Variants in ERBB4 observed in about 807,000 individuals in gnomAD.
ERBB4 encodes the protein receptor tyrosine-protein kinase erbB-4.
Under a neutral mutation model 158.0 loss-of-function variants are expected in ERBB4, and 42 were observed. The ratio of observed to expected loss-of-function variants is 0.27; its 90% CI spans 0.21 to 0.34. The LOEUF (loss-of-function observed/expected upper bound fraction) is 0.34. Among genes scored for constraint, ERBB4 ranks in the 10% least tolerant of loss-of-function variants. The probability of loss-of-function intolerance (pLI) is 1.00; values close to 1 mark genes in which losing one functional copy is unlikely to be tolerated. For missense variants in ERBB4, 1,333 were observed against 1,624.1 expected (o/e 0.82, Z 3.08); for synonymous variants, 583 against 558.7 (o/e 1.04, Z -0.61).
At chr2:211,745,539 G>A (rs986951344) in intron 5 of ERBB4, among the ~76,000 whole-genome samples, 4 of 152,058 alleles carry the variant, frequency 2.6e-5, no homozygotes, top group Admixed American at 2.6e-4. Context: ...GCCTACAGGA[G>A]TTTGCCTTCC....
intron 3 of ERBB4, among the ~76,000 whole-genome samples, chr2:211,876,370 C>A (rs2078500804): frequency 6.6e-6 from 1 of 152,126 alleles, no homozygotes; most frequent in African/African-American, 2.4e-5. Context: ...AATGGCAAGA[C>A]AGAGGAAGGA....
chr2:211,572,232 CAT>C (rs2067749958), intron 19 of ERBB4, among the ~76,000 whole-genome samples: 1 of 152,116 alleles, frequency 6.6e-6, no homozygotes, highest in Non-Finnish European at 1.5e-5. Flanking sequence ...TGATTGACAA[CAT>C]AGAGTCGTAA....
intron 1 of ERBB4, among the ~76,000 whole-genome samples, chr2:212,292,239 T>C (rs1376615304): frequency 2.0e-5 from 3 of 152,012 alleles, no homozygotes; most frequent in African/African-American, 7.2e-5. Context: ...AGTATAATTT[T>C]AAATCACACT....
At chr2:211,754,018 C>T (rs71422756) in intron 4 of ERBB4, among the ~76,000 whole-genome samples, 42,526 of 151,488 alleles carry the variant, frequency 0.28, 7,040 homozygotes, top group Middle Eastern at 0.37. Context: ...CCACCACGCC[C>T]GGCTAATTTT....
rs931428542 is a variant in ERBB4, at chr2:211,381,188, C to T, written c.*2427G>A. ...CTTCACTAGAAGGAATCTCACAAAC[C>T]CTTCTCCTGCTCTACCATACTTTTT... On this transcript the variant is annotated 3_prime_UTR_variant, in exon 28 of 28. Coordinates refer to ENST00000342788, the MANE Select transcript of ERBB4 (RefSeq NM_005235.3). The T allele has an allele frequency of 4.3e-6, 1 of 232,344 alleles. No individual in the cohort carries two copies. Among genetic ancestry groups the T allele is most frequent in the Non-Finnish European group, 8.5e-6 (1 of 117,550 alleles). 14.4% of individuals were successfully genotyped at this position (232,344 alleles called of 1,614,324 possible).
intron 2 of ERBB4, among the ~76,000 whole-genome samples, chr2:212,059,555 A>G (rs2077693993): frequency 6.6e-6 from 1 of 152,228 alleles, no homozygotes; most frequent in South Asian, 2.1e-4. Context: ...CTACAAGGCT[A>G]TAGTAACCAA....
intron 1 of ERBB4, among the ~76,000 whole-genome samples, chr2:212,453,981 C>A (rs1469928469): frequency 3.3e-5 from 5 of 151,812 alleles, no homozygotes; most frequent in African/African-American, 1.2e-4. Context: ...CACTCTATTG[C>A]CCAAGCTGGA....
rs549068985 is a variant in ERBB4 at position 211,686,478 on chromosome 2, A to G, written c.1490-7294T>C. On this transcript the variant is annotated intron_variant, in intron 12 of 27. Coordinates refer to ENST00000342788, the MANE Select transcript of ERBB4 (RefSeq NM_005235.3). ...GGTTATGTTGTATAATTCTTTGTAT[A>G]TATTGCTGACTGCTATTTGCTACTA... 5.9e-5 allele frequency among the ~76,000 whole-genome samples: 9 copies of G among 152,058 alleles called. 1 individual carries two copies. The South Asian group carries it at 1.9e-3, about 31-fold the overall frequency.
intron 19 of ERBB4, among the ~76,000 whole-genome samples, chr2:211,594,832 T>C (rs2068583892): frequency 6.6e-6 from 1 of 152,210 alleles, no homozygotes; most frequent in Non-Finnish European, 1.5e-5. Context: ...AAAGAAGGGC[T>C]TTTTAAGTTC....
chr2:211,788,849 C>T (rs976373218), intron 3 of ERBB4, among the ~76,000 whole-genome samples: 8 of 152,084 alleles, frequency 5.3e-5, no homozygotes, highest in South Asian at 4.1e-4. Context: ...CAAATGAAAT[C>T]GATAAGATTG....
chr2:212,533,890 T>C (rs116701266), intron 1 of ERBB4, among the ~76,000 whole-genome samples: 1,592 of 152,304 alleles, frequency 0.01, 34 homozygotes, highest in African/African-American at 0.036. Context: ...TTAATTTCTG[T>C]AGAACAGATG....
At chr2:211,814,807 C>G (rs146572551) in intron 3 of ERBB4, among the ~76,000 whole-genome samples, 1 of 152,240 alleles carries the variant, frequency 6.6e-6, no homozygotes, top group African/African-American at 2.4e-5. Context: ...GATAATGTTT[C>G]CCAGCATTAT....
intron 1 of ERBB4, among the ~76,000 whole-genome samples, chr2:212,470,782 A>G (rs1689079000): frequency 6.6e-6 from 1 of 151,552 alleles, no homozygotes; most frequent in South Asian, 2.1e-4. Flanking sequence ...AATCTAAAAG[A>G]AGAGATTATG....
rs1559419685 is a variant in ERBB4 at position 212,062,396 on chromosome 2, A to ATTTTTTTTTTTTTTTTTTTT, written c.234+62355_234+62356insAAAAAAAAAAAAAAAAAAAA. Reference sequence around the variant, plus strand: ...CTCCTACTACTCTTCTCACTTGTCAATTCTTTTTTTTTTTTTTTTTTTTTT... The same window carrying ATTTTTTTTTTTTTTTTTTTT: ...CTCCTACTACTCTTCTCACTTGTCAATTTTTTTTTTTTTTTTTTTTTTCTTTTTTTTTTTTTTTTTTTTTT... On this transcript the variant is annotated intron_variant, in intron 2 of 27. Coordinates refer to ENST00000342788, the MANE Select transcript of ERBB4 (RefSeq NM_005235.3). Among the ~76,000 whole-genome samples, 5 of 96,520 alleles carry ATTTTTTTTTTTTTTTTTTTT rather than the reference A, an allele frequency of 5.2e-5. 1 individual carries two copies. Among genetic ancestry groups the ATTTTTTTTTTTTTTTTTTTT allele is most frequent in the Non-Finnish European group, 1.0e-4 (5 of 48,996 alleles). The allele number at this position is 96,520 out of a possible 152,430, so 63.3% of individuals were successfully genotyped here.
At chr2:211,458,307 AC>A (rs1363981780) in intron 20 of ERBB4, among the ~76,000 whole-genome samples, 1 of 151,372 alleles carries the variant, frequency 6.6e-6, no homozygotes, top group Non-Finnish European at 1.5e-5. Context: ...TTGCTCTGTC[AC>A]CAGGCTGGAG....
intron 7 of ERBB4, among the ~76,000 whole-genome samples, chr2:211,717,690 G>A (rs887500986): frequency 9.0e-5 from 7 of 78,028 alleles, no homozygotes; most frequent in Non-Finnish European, 6.5e-5. Flanking sequence ...TTAGCTGGGC[G>A]TGGTGGATGT....
chr2:212,241,157 T>G (rs919736605), intron 1 of ERBB4, among the ~76,000 whole-genome samples: 3 of 152,062 alleles, frequency 2.0e-5, no homozygotes, highest in Non-Finnish European at 4.4e-5. Context: ...TTTGGGAGGT[T>G]GAGGCAGGAG....
At chr2:212,426,866 C>T (rs947405612) in intron 1 of ERBB4, among the ~76,000 whole-genome samples, 33 of 152,082 alleles carry the variant, frequency 2.2e-4, no homozygotes, top group African/African-American at 7.7e-4. Context: ...CCAAGTAGTA[C>T]TGACAGATAC....
At chr2:211,984,329 G>A (rs1314306290) in intron 2 of ERBB4, among the ~76,000 whole-genome samples, 2 of 151,596 alleles carry the variant, frequency 1.3e-5, no homozygotes, top group Non-Finnish European at 2.9e-5. Flanking sequence ...GAATCTTCAG[G>A]GGACACTCAG....
Sources: gnomAD v4.1 joint callset for allele counts (sites outside exome capture counted in the v4.1 genomes callset) on GRCh38, gnomAD v4.1.1 for gene constraint, MANE v1.5 for transcripts, NCBI Gene and HGNC (gene_info 2026-07-23, HGNC 2026-07-21) for gene names.